Variants in GPC5 observed in about 807,000 individuals in gnomAD.
GPC5 encodes the protein glypican-5.
In GPC5, 47 loss-of-function variants were observed where a neutral mutation model predicts 53.9. That is an observed-to-expected ratio of 0.87 (90% CI 0.69 to 1.11). The LOEUF is 1.11. GPC5 is among the 50% of genes most tolerant of loss of function. The probability of loss-of-function intolerance (pLI) is 0.00; values close to 1 mark genes in which losing one functional copy is unlikely to be tolerated. For missense variants in GPC5, 748 were observed against 713.1 expected (o/e 1.05, Z -0.56); for synonymous variants, 286 against 263.3 (o/e 1.09, Z -0.84).
intron 2 of GPC5, among the ~76,000 whole-genome samples, chr13:91,657,342 T>G (rs973787137): frequency 1.3e-5 from 2 of 152,112 alleles, no homozygotes; most frequent in Non-Finnish European, 2.9e-5. Flanking sequence ...CTTGGGAAAC[T>G]GGATGGATGC....
intron 7 of GPC5, among the ~76,000 whole-genome samples, chr13:92,393,670 C>T (rs570943824): frequency 5.0e-4 from 76 of 152,014 alleles, no homozygotes; most frequent in Non-Finnish European, 6.8e-4. Flanking sequence ...AAAAAACTTA[C>T]GAACACAAAG....
rs192290036 is a variant in GPC5, at chr13:92,456,360, A to T, written c.1561+311371A>T. 5.3e-5 allele frequency among the ~76,000 whole-genome samples: 8 copies of T among 152,262 alleles called. No homozygotes were observed. The East Asian group carries it at 1.5e-3, about 29-fold the overall frequency. On this transcript the variant is annotated intron_variant, in intron 7 of 7. Transcript: ENST00000377067. ...GCTCTAAATCACTATGCATCAAACT[A>T]TGTTCTTTATCTCTTCCCCCAAACT...
At chr13:91,838,265 C>T (rs1297912058) in intron 5 of GPC5, among the ~76,000 whole-genome samples, 1 of 152,060 alleles carries the variant, frequency 6.6e-6, no homozygotes, top group Non-Finnish European at 1.5e-5. Flanking sequence ...CTCTATGCTC[C>T]ACAGAACTCA....
chr13:91,434,666 C>A (rs531878152), intron 1 of GPC5, among the ~76,000 whole-genome samples: 8 of 151,076 alleles, frequency 5.3e-5, no homozygotes, highest in Non-Finnish European at 3.0e-5. Flanking sequence ...TTTGGCGATG[C>A]GGGCTCTTTT....
chr13:92,718,200 G>T (rs1387391456), intron 7 of GPC5, among the ~76,000 whole-genome samples: 4 of 152,136 alleles, frequency 2.6e-5, no homozygotes, highest in Admixed American at 2.0e-4. Flanking sequence ...CCACTGCTAG[G>T]TATATACCCA....
chr13:91,527,322 C>G (rs1886132384), intron 2 of GPC5, among the ~76,000 whole-genome samples: 1 of 152,168 alleles, frequency 6.6e-6, no homozygotes, highest in Non-Finnish European at 1.5e-5. Flanking sequence ...GCAAAGTGGC[C>G]ATAGGCCTTA....
chr13:91,513,941 T>C (rs1306080940), intron 2 of GPC5, among the ~76,000 whole-genome samples: 1 of 152,222 alleles, frequency 6.6e-6, no homozygotes, highest in Non-Finnish European at 1.5e-5. Context: ...CTCAGCATAA[T>C]TCCCTTGAGA....
chr13:91,576,757 T>C (rs1319732518), intron 2 of GPC5, among the ~76,000 whole-genome samples: 1 of 152,024 alleles, frequency 6.6e-6, no homozygotes, highest in East Asian at 1.9e-4. Flanking sequence ...AGTCAGAATA[T>C]CACAAAAGCA....
At chr13:91,853,485 G>A (rs1360676023) in intron 5 of GPC5, among the ~76,000 whole-genome samples, 1 of 151,954 alleles carries the variant, frequency 6.6e-6, no homozygotes, top group African/African-American at 2.4e-5. Context: ...TGGGATTACA[G>A]CATGGAGAGA....
chr13:91,905,783 G>A (rs147278780), intron 5 of GPC5, among the ~76,000 whole-genome samples: 1 of 152,048 alleles, frequency 6.6e-6, no homozygotes, highest in Non-Finnish European at 1.5e-5. Context: ...CAAATATAGG[G>A]AAGGAAAGTT....
chr13:91,897,239 A>G (rs2039451685), intron 5 of GPC5, among the ~76,000 whole-genome samples: 1 of 151,996 alleles, frequency 6.6e-6, no homozygotes, highest in South Asian at 2.1e-4. Flanking sequence ...CATTAAGAAA[A>G]AGTTATTTAC....
chr13:92,307,690 G>T (rs2043119625), intron 7 of GPC5, among the ~76,000 whole-genome samples: 1 of 152,182 alleles, frequency 6.6e-6, no homozygotes, highest in African/African-American at 2.4e-5. Context: ...TCTCTCATCT[G>T]CCCTGCAACA....
chr13:92,312,965 G>T (rs975417008), intron 7 of GPC5, among the ~76,000 whole-genome samples: 6 of 151,976 alleles, frequency 3.9e-5, no homozygotes, highest in African/African-American at 1.4e-4. Context: ...TGAGGAAATG[G>T]GCTGCCTATA....
At chr13:91,563,646 G>A (rs1439466378) in intron 2 of GPC5, among the ~76,000 whole-genome samples, 2 of 152,136 alleles carry the variant, frequency 1.3e-5, no homozygotes, top group African/African-American at 2.4e-5. Context: ...CCATAATGAA[G>A]AATGTACATA....
intron 7 of GPC5, among the ~76,000 whole-genome samples, chr13:92,161,210 CAG>C (rs894042716): frequency 5.2e-4 from 79 of 152,232 alleles, no homozygotes; most frequent in African/African-American, 1.9e-3. Flanking sequence ...TGTTTAAACA[CAG>C]AGTATAGAGT....
At chr13:92,481,262 A>C (rs1459123474) in intron 7 of GPC5, among the ~76,000 whole-genome samples, 1 of 151,748 alleles carries the variant, frequency 6.6e-6, no homozygotes, top group Non-Finnish European at 1.5e-5. Context: ...CACCATGCCC[A>C]GCTAATGTTT....
intron 7 of GPC5, among the ~76,000 whole-genome samples, chr13:92,373,010 A>C (rs189873007): frequency 2.6e-5 from 4 of 152,336 alleles, no homozygotes; most frequent in Non-Finnish European, 5.9e-5. Context: ...CAGAATATTT[A>C]CACTGTTTAT....
At chr13:91,670,551 A>G (rs932546779) in intron 2 of GPC5, among the ~76,000 whole-genome samples, 2 of 152,178 alleles carry the variant, frequency 1.3e-5, no homozygotes, top group African/African-American at 2.4e-5. Context: ...AAAACAATAT[A>G]TTCTTTCTAA....
At chr13:92,504,546 T>G (rs1880298349) in intron 7 of GPC5, among the ~76,000 whole-genome samples, 1 of 151,884 alleles carries the variant, frequency 6.6e-6, no homozygotes, top group African/African-American at 2.4e-5. Context: ...ACCAAAACAA[T>G]TGCGAATAAA....
Sources: allele counts gnomAD v4.1 joint callset (sites outside exome capture counted in the v4.1 genomes callset), GRCh38; gene constraint gnomAD v4.1.1; transcripts MANE v1.5; gene names NCBI Gene and HGNC (gene_info 2026-07-23, HGNC 2026-07-21).